Variants in ACBD3 observed in about 807,000 individuals in gnomAD.
ACBD3 encodes Golgi resident protein GCP60.
ACBD3 carries 30 observed loss-of-function variants against 66.9 expected under a neutral mutation model. The ratio of observed to expected loss-of-function variants is 0.45; its 90% CI spans 0.34 to 0.61. The LOEUF (loss-of-function observed/expected upper bound fraction) is 0.61, where lower values mean the gene tolerates loss of function less well. ACBD3 is among the 20% of genes least tolerant of loss of function. The pLI, the probability that ACBD3 is intolerant of heterozygous loss-of-function variation, is 0.02. For missense variants in ACBD3, 544 were observed against 664.5 expected (o/e 0.82, Z 1.99); for synonymous variants, 278 against 259.8 (o/e 1.07, Z -0.68).
chr1:226,178,067 A>C (rs1461028604), intron 1 of ACBD3, among the ~76,000 whole-genome samples: 1 of 152,068 alleles, frequency 6.6e-6, no homozygotes, highest in East Asian at 1.9e-4. Flanking sequence ...AATTTGTGGT[A>C]ATTTGTTACA....
At chr1:226,160,980 C>T (rs940847254) in intron 4 of ACBD3, among the ~76,000 whole-genome samples, 5 of 152,166 alleles carry the variant, frequency 3.3e-5, no homozygotes, top group Admixed American at 1.3e-4. Flanking sequence ...GACAGCCTTG[C>T]ATATGCCAAA....
intron 5 of ACBD3, among the ~76,000 whole-genome samples, chr1:226,156,370 CT>C (rs2102777747): frequency 6.6e-6 from 1 of 152,258 alleles, no homozygotes; most frequent in Admixed American, 6.5e-5. Flanking sequence ...GTTTGCATTA[CT>C]TTTAAGTTAT....
intron 3 of ACBD3, 109 bp downstream of exon 3, chr1:226,164,680 A>G (rs938746163): frequency 7.9e-7 from 1 of 1,261,360 alleles, no homozygotes; most frequent in Non-Finnish European, 1.0e-6. Context: ...ATGGGGATCC[A>G]AGGAAAGCAA....
chr1:226,165,691 T>C (rs1451857870), intron 2 of ACBD3, among the ~76,000 whole-genome samples, 168 bp downstream of exon 2: 1 of 152,168 alleles, frequency 6.6e-6, no homozygotes, highest in Non-Finnish European at 1.5e-5. Flanking sequence ...CATAAACATC[T>C]CTAAGCTAAA....
intron 1 of ACBD3, among the ~76,000 whole-genome samples, chr1:226,184,074 C>T (rs1360215132): frequency 2.0e-5 from 3 of 150,598 alleles, no homozygotes; most frequent in Non-Finnish European, 4.4e-5. Flanking sequence ...ACCTGTAGTC[C>T]CAGCTACTCG....
intron 1 of ACBD3, among the ~76,000 whole-genome samples, chr1:226,169,931 AGGAGAATCGCTT>A (rs1659958773): frequency 6.7e-6 from 1 of 149,558 alleles, no homozygotes; most frequent in Admixed American, 6.7e-5. Context: ...GAGCTGAGGC[AGGAGAATCGCTT>A]GAACGAGATG....
intron 6 of ACBD3, 165 bp downstream of exon 6, chr1:226,154,482 A>G (rs1659635894): frequency 5.5e-6 from 4 of 721,556 alleles, no homozygotes; most frequent in Non-Finnish European, 8.8e-6. Context: ...ACACTGGTCT[A>G]TGAGTCACCA....
At chr1:226,160,205 C>T (rs1203483712) in intron 4 of ACBD3, among the ~76,000 whole-genome samples, 1 of 151,928 alleles carries the variant, frequency 6.6e-6, no homozygotes, top group Non-Finnish European at 1.5e-5. Flanking sequence ...GATTCTCCTG[C>T]CTCAGCCTCC....
At chr1:226,149,458 C>T (rs1180521576) in intron 7 of ACBD3, among the ~76,000 whole-genome samples, 1 of 148,864 alleles carries the variant, frequency 6.7e-6, no homozygotes, top group Non-Finnish European at 1.5e-5. Flanking sequence ...AACTCCTGAC[C>T]TCAGGTGATT....
intron 1 of ACBD3, among the ~76,000 whole-genome samples, chr1:226,171,849 T>C (rs1419699603): frequency 6.6e-6 from 1 of 151,664 alleles, no homozygotes. Flanking sequence ...GGCCAATAAA[T>C]GTGTTTTTAA....
intron 1 of ACBD3, among the ~76,000 whole-genome samples, chr1:226,173,965 G>A (rs955469954): frequency 2.0e-5 from 3 of 151,748 alleles, no homozygotes; most frequent in Non-Finnish European, 4.4e-5. Flanking sequence ...GTTTCACCAT[G>A]TTGACCGGGC....
chr1:226,164,918 G>A lies in ACBD3; in HGVS notation c.440C>T (p.Ala147Val), dbSNP rs764040687. The A allele has an allele frequency of 6.3e-7, 1 of 1,584,572 alleles. No individual in the cohort carries two copies. The highest frequency in any genetic ancestry group is 1.2e-5 in the South Asian group (1 of 83,956). ...CTCTTTAGACATGTTTCCCAGGGCT[G>A]CCCATTCTCTCCTGTAAGGAATAAC... ...VLGNDRRREW[A>V]ALGNMSKEDA... The change falls in exon 3 of 8, where the codon GCA becomes GTA. Residue 147 changes from alanine to valine, a missense_variant. Physicochemically the swap from Ala to Val is moderately conservative, Grantham distance 64. Coordinates refer to ENST00000366812, the MANE Select transcript of ACBD3 (RefSeq NM_022735.4).
At chr1:226,175,620 AAG>A (rs990090308) in intron 1 of ACBD3, among the ~76,000 whole-genome samples, 5 of 152,298 alleles carry the variant, frequency 3.3e-5, no homozygotes, top group Admixed American at 6.5e-5. Context: ...GGAAAGGAGA[AAG>A]AGAGATACAG....
At chr1:226,157,825 G>A (rs577796335) in intron 5 of ACBD3, among the ~76,000 whole-genome samples, 15 of 152,332 alleles carry the variant, frequency 9.8e-5, no homozygotes, top group Non-Finnish European at 2.1e-4. Context: ...TTAAAGGCAT[G>A]AGCCACTATG....
intron 1 of ACBD3, among the ~76,000 whole-genome samples, chr1:226,169,362 C>T (rs1423499977): frequency 1.3e-5 from 2 of 152,008 alleles, no homozygotes; most frequent in Admixed American, 6.6e-5. Flanking sequence ...ATTCTCCTGC[C>T]TCAGCCTCCC....
Position 226,146,377 on chromosome 1 carries a change from C to T in ACBD3, c.*233G>A. 1 of 491,344 alleles carries T rather than the reference C, an allele frequency of 2.0e-6. No homozygotes were observed. The highest frequency in any genetic ancestry group is 2.5e-5 in the South Asian group (1 of 40,540). 30.4% of individuals were successfully genotyped at this position (491,344 alleles called of 1,614,324 possible). ...GTAACTTCAGCATCCACTAGTGACT[C>T]TGCTGGTCAGCACCCAAGGGCTGGA... On this transcript the variant is annotated 3_prime_UTR_variant, in exon 8 of 8. Transcript: ENST00000366812.
At position 226,186,665 on chromosome 1, in the gene ACBD3, A is replaced by G; in HGVS notation, c.11T>C (p.Val4Ala). 1 of 1,504,666 alleles carries G rather than the reference A, an allele frequency of 6.6e-7. No individual in the cohort carries two copies. The highest frequency in any genetic ancestry group is 1.4e-5 in the African/African-American group (1 of 70,038). The allele number at this position is 1,504,666 out of a possible 1,614,324, so 93.2% of individuals were successfully genotyped here. A position where few individuals can be genotyped will look rare whatever the true frequency, so the allele number is the denominator to read the frequency against. MAA[V>A]LNAERLEVSV... The stretch of plus-strand genomic sequence containing the variant: ...CACCTCGAGTCGCTCTGCGTTCAGC[A>G]CCGCCGCCATCTCCGGCTGCTGCAC... Residue 4 changes from valine (V) to alanine (A), a missense_variant, in exon 1 of 8, where the codon GTG (valine) becomes GCG (alanine). Val to Ala is a moderately conservative substitution (Grantham distance 64). Around this residue, in one of 3 missense-constraint regions of ACBD3, gnomAD observed 137 missense variants for 145.9 expected, o/e 0.94. Coordinates refer to ENST00000366812, the MANE Select transcript of ACBD3 (RefSeq NM_022735.4).
chr1:226,177,785 CCAGG>C (rs1247673883), intron 1 of ACBD3, among the ~76,000 whole-genome samples: 2 of 151,626 alleles, frequency 1.3e-5, no homozygotes, highest in East Asian at 3.9e-4. Flanking sequence ...GCTCTGTAGC[CCAGG>C]CTGGAGTGCA....
chr1:226,147,770 T>TA (rs1659486427), intron 7 of ACBD3, among the ~76,000 whole-genome samples: 1 of 152,128 alleles, frequency 6.6e-6, no homozygotes, highest in Non-Finnish European at 1.5e-5. Flanking sequence ...TTTTGAACTG[T>TA]AATGCTATGA....
Sources: allele counts gnomAD v4.1 joint callset (sites outside exome capture counted in the v4.1 genomes callset), GRCh38; gene constraint gnomAD v4.1.1; regional missense constraint gnomAD v4.1.1; transcripts MANE v1.5; gene names NCBI Gene and HGNC (gene_info 2026-07-23, HGNC 2026-07-21).